Variants in TNXB observed in about 807,000 individuals in gnomAD.
The protein encoded by TNXB is tenascin-X.
In TNXB, 183 loss-of-function variants were observed where a neutral mutation model predicts 340.5. The ratio of observed to expected loss-of-function variants is 0.54; its 90% CI spans 0.48 to 0.61. The LOEUF (loss-of-function observed/expected upper bound fraction) is 0.61, where lower values mean the gene tolerates loss of function less well. Ranked by LOEUF, TNXB falls within the 20% of genes least tolerant of loss-of-function variation. TNXB has a pLI of 0.00. For synonymous variants in TNXB, 2,121 were observed against 2,314.5 expected, an observed-to-expected ratio of 0.92 and a Z score of 2.40; for missense variants, 4,613 against 5,446.4, an observed-to-expected ratio of 0.85 and a Z score of 4.82.
At chr6:32,065,413 T>G (rs1219518662) in intron 18 of TNXB, among the ~76,000 whole-genome samples, 1 of 152,162 alleles carries the variant, frequency 6.6e-6, no homozygotes, top group Non-Finnish European at 1.5e-5. Context: ...GCCACCTTCT[T>G]CTGTGGGCCT....
At chr6:32,101,077 CAAAAAA>C (rs35800696) in intron 1 of TNXB, among the ~76,000 whole-genome samples, 2 of 46,956 alleles carry the variant, frequency 4.3e-5, no homozygotes, top group Non-Finnish European at 7.6e-5. Context: ...AACTCCATCT[CAAAAAA>C]AAAAAAAAAA....
Position 32,043,806 on chromosome 6 carries a change from C to T in TNXB, c.11473G>A (p.Val3825Met), listed in dbSNP as rs550641852. The part of the protein sequence containing the change: ...LIPGARYEVT[V>M]VSVRGFEESE... Reference sequence around the variant, plus strand: ...TCCTCAAAGCCTCGGACCGAGACCACGGTCACCTCATAGCGAGCGCCTGGG... The same window carrying T: ...TCCTCAAAGCCTCGGACCGAGACCATGGTCACCTCATAGCGAGCGCCTGGG... The change falls in exon 35 of 44, where the codon GTG (valine) becomes ATG (methionine). Residue 3825 changes from valine (V) to methionine (M), a missense_variant. This residue lies in a region of TNXB where 114 missense variants were observed against 104.5 expected (regional missense o/e 1.09). Transcript: ENST00000644971. 5.6e-5 allele frequency: 90 copies of T among 1,613,546 alleles called. No individual in the cohort carries two copies. The highest frequency in any genetic ancestry group is 2.0e-4 in the East Asian group (9 of 44,874).
chr6:32,071,209 C>T (rs1267204384), intron 13 of TNXB, among the ~76,000 whole-genome samples: 4 of 152,224 alleles, frequency 2.6e-5, no homozygotes, highest in Non-Finnish European at 5.9e-5. Flanking sequence ...GGCTGGGCTC[C>T]TCTGGTTCCC....
At chr6:32,053,312 G>A in intron 25 of TNXB, 76 bp downstream of exon 25, 1 of 1,545,902 alleles carries the variant, frequency 6.5e-7, no homozygotes, top group Non-Finnish European at 8.8e-7. Flanking sequence ...GGGGCTTCCT[G>A]GGCCAGTTCA....
At chr6:32,077,183 G>A (rs935086249) in intron 11 of TNXB, among the ~76,000 whole-genome samples, 30 of 152,234 alleles carry the variant, frequency 2.0e-4, no homozygotes, top group South Asian at 1.7e-3. Flanking sequence ...GGGACAGAGC[G>A]GCAGAGGGAG....
At chr6:32,103,218 C>A (rs1780810790) in intron 1 of TNXB, among the ~76,000 whole-genome samples, 1 of 151,540 alleles carries the variant, frequency 6.6e-6, no homozygotes, top group African/African-American at 2.4e-5. Flanking sequence ...GTCAGGAGTT[C>A]AAAACCAGCC....
Position 32,089,848 on chromosome 6 carries a change from C to T in TNXB, c.2359-469G>A, listed in dbSNP as rs73729013. 0.018 allele frequency among the ~76,000 whole-genome samples: 2,766 copies of T among 152,276 alleles called. 74 individuals carry two copies. The highest frequency in any genetic ancestry group is 0.078 in the South Asian group (376 of 4,826). On this transcript the variant is annotated intron_variant, in intron 4 of 43. Transcript: ENST00000644971. The surrounding 1 kb of genome is among the most constrained non-coding windows in gnomAD (Gnocchi z 6.2). ...CACCAGGACTCTCCCTCCAGCTTTG[C>T]CCTGGCAACTCTGACTACCTGGGCA...
Position 32,069,568 on chromosome 6 carries a change from C to A in TNXB, c.5572G>T (p.Ala1858Ser), listed in dbSNP as rs1208533939. 2 of 1,576,320 alleles carry A rather than the reference C, an allele frequency of 1.3e-6. No homozygotes were observed. The highest frequency in any genetic ancestry group is 3.4e-4 in the Middle Eastern group (2 of 5,894). ...HHGKRVGPIS[A>S]VAITAGREET... ...GCACACTCACCAGTAATGGCGACGG[C>A]CGAGATGGGGCCCACACGCTTGCCG... The change falls in exon 15 of 44, where the codon GCC becomes TCC. Residue 1858 changes from alanine to serine, a missense_variant. This residue lies in a region of TNXB where 4,327 missense variants were observed against 4,859.4 expected (regional missense o/e 0.89). Coordinates refer to ENST00000644971, the MANE Select transcript of TNXB (RefSeq NM_001365276.2). This position sits in a 1 kb window ranked among gnomAD's most constrained non-coding sequence, Gnocchi z 6.2.
chr6:32,086,317 C>T (rs969518693), intron 6 of TNXB, among the ~76,000 whole-genome samples, 199 bp from the exon 7 acceptor site: 3 of 152,172 alleles, frequency 2.0e-5, no homozygotes, highest in Non-Finnish European at 2.9e-5. Flanking sequence ...CCTGAGCAGA[C>T]GGGCCTGTGC....
Position 32,093,217 on chromosome 6 carries a change from G to A in TNXB, c.2358+1859C>T, listed in dbSNP as rs1780158804. 3.1e-5 allele frequency: 19 copies of A among 607,094 alleles called. No individual in the cohort carries two copies. In the East Asian group the frequency reaches 5.2e-4, roughly 17 times the overall value. 37.6% of individuals were successfully genotyped at this position (607,094 alleles called of 1,614,324 possible). A position where few individuals can be genotyped will look rare whatever the true frequency, so the allele number is the denominator to read the frequency against. ...ATATATACAGAGAAGAAGAGAGTGG[G>A]AGAAACACTTTAAAATGTTAGCAGT... On this transcript the variant is annotated intron_variant, in intron 4 of 43. Coordinates refer to ENST00000644971, the MANE Select transcript of TNXB (RefSeq NM_001365276.2).
Position 32,089,036 on chromosome 6 carries a change from G to A in TNXB, c.2528C>T (p.Pro843Leu), listed in dbSNP as rs1293934709. The A allele has an allele frequency of 6.2e-7, 1 of 1,609,232 alleles. No individual in the cohort carries two copies. ...SKTITTMIDGPQDLRVVAVTP... is the reference protein window; with the variant it reads ...SKTITTMIDGLQDLRVVAVTP... The stretch of plus-strand genomic sequence containing the variant: ...CACAGCCACCACTCGGAGGTCCTGG[G>A]GCCCATCGATCACTAGCCAGGTTAA... Residue 843 changes from proline (P) to leucine (L), a missense_variant, in exon 6 of 44, where the codon CCC becomes CTC. By Grantham distance (98) the Pro-to-Leu change is moderately conservative (BLOSUM62 -3). Coordinates refer to ENST00000644971, the MANE Select transcript of TNXB (RefSeq NM_001365276.2). The surrounding 1 kb of genome is among the most constrained non-coding windows in gnomAD (Gnocchi z 6.2).
In TNXB at chr6:32,082,049, G is replaced by A. The variant is rs767061422; in HGVS notation, c.3723C>T (p.Ala1241=). The change falls in exon 9 of 44, where the codon GCC becomes GCT. Residue 1241 remains alanine, a synonymous_variant. Coordinates refer to ENST00000644971, the MANE Select transcript of TNXB (RefSeq NM_001365276.2). This position sits in a 1 kb window ranked among gnomAD's most constrained non-coding sequence, Gnocchi z 5.0. ...ANKKRYGPLT[A]DGTTAPERKE... The stretch of plus-strand genomic sequence containing the variant: ...GCTGCTACTCACCAGTGGTGCCATC[G>A]GCCGTGAGGGGGCCATACCGCTTCT... 1.2e-5 allele frequency: 19 copies of A among 1,604,130 alleles called. No homozygotes were observed. Among genetic ancestry groups the A allele is most frequent in the South Asian group, 3.4e-5 (3 of 89,546 alleles).
Position 32,049,460 on chromosome 6 carries a change from G to A in TNXB, c.9567C>T (p.Pro3189=), listed in dbSNP as rs1777124238. The A allele has an allele frequency of 6.2e-7, 1 of 1,612,666 alleles. No homozygotes were observed. The highest frequency in any genetic ancestry group is 1.3e-5 in the African/African-American group (1 of 74,890). ...CGGTGAAGGAGTCGAAGCGGCCCTG[G>A]GGGACGGTCCAGGAGAGGCTCAGCG... is the stretch of plus-strand genomic sequence containing the variant. ...PDSLSLSWTV[P]QGRFDSFTVQ... Residue 3189 remains proline, a synonymous_variant, in exon 28 of 44, where the codon CCC becomes CCT. Transcript: ENST00000644971. The surrounding 1 kb of genome is among the most constrained non-coding windows in gnomAD (Gnocchi z 4.5).
Position 32,068,978 on chromosome 6 carries a change from T to C in TNXB, c.5746A>G (p.Thr1916Ala), listed in dbSNP as rs17207916. 2,200 of 1,612,838 alleles carry C rather than the reference T, an allele frequency of 1.4e-3. 10 individuals are homozygous for C. The highest frequency in any genetic ancestry group is 0.011 in the African/African-American group (836 of 75,044). The change falls in exon 16 of 44, where the codon ACA becomes GCA. Residue 1916 changes from threonine to alanine, a missense_variant. Transcript: ENST00000644971. This position sits in a 1 kb window ranked among gnomAD's most constrained non-coding sequence, Gnocchi z 5.3. Reference sequence around the variant, plus strand: ...ATTTGGAGTTGCCCGTCTCTATCTGTGTACTGGATTTCGAAGGAGTCAAAT... The same window carrying C: ...ATTTGGAGTTGCCCGTCTCTATCTGCGTACTGGATTTCGAAGGAGTCAAAT... ...GEFDSFEIQYTDRDGQLQMVR... is the reference protein window; with the variant it reads ...GEFDSFEIQYADRDGQLQMVR...
Position 32,067,704 on chromosome 6 carries a change from G to A in TNXB, c.6501C>T (p.His2167=), listed in dbSNP as rs780787972. 2.7e-5 allele frequency: 44 copies of A among 1,613,660 alleles called. No homozygotes were observed. In the South Asian group the frequency reaches 3.0e-4, roughly 11 times the overall value. Residue 2167 remains histidine (H), a synonymous_variant, in exon 18 of 44, where the codon CAC becomes CAT. Transcript: ENST00000644971. This position sits in a 1 kb window ranked among gnomAD's most constrained non-coding sequence, Gnocchi z 4.2. ...ACACTGGGCCCACGCGCCGCCCCTC[G>A]TGGAGGCCGTACAGGTGCATCTTGT... ...RKYKMHLYGL[H]EGRRVGPVSA...
At position 32,068,813 on chromosome 6, in the gene TNXB, A is replaced by G. The variant is rs1159883762; in HGVS notation, c.5902+9T>C. The G allele has an allele frequency of 1.3e-6, 2 of 1,599,170 alleles. No homozygotes were observed. Among genetic ancestry groups the G allele is most frequent in the Admixed American group, 1.7e-5 (1 of 59,634 alleles). On this transcript the variant is annotated intron_variant, in intron 16 of 43. Coordinates refer to ENST00000644971, the MANE Select transcript of TNXB (RefSeq NM_001365276.2). The surrounding 1 kb of genome is among the most constrained non-coding windows in gnomAD (Gnocchi z 5.3). ...ATCTGAAAGGAGGCATAGTGGGCAG[A>G]GTTCTCACCTGTCAGGGCCTCGACA...
At position 32,052,950 on chromosome 6, in the gene TNXB, C is replaced by T; in HGVS notation, c.8835G>A (p.Glu2945=). ...GCGGCTCCTCAGGGGGCTCCGGGGC[C>T]TCCGTGCTGGGTTCTGTGGGGGCGG... is the stretch of plus-strand genomic sequence containing the variant. ...ETPAPTEPST[E]APEPPEEPLL... Residue 2945 remains glutamate (E), a synonymous_variant, in exon 26 of 44, where the codon GAG becomes GAA. Transcript: ENST00000644971. This position sits in a 1 kb window ranked among gnomAD's most constrained non-coding sequence, Gnocchi z 4.7. The T allele has an allele frequency of 2.5e-6, 4 of 1,612,574 alleles. No homozygotes were observed. Among genetic ancestry groups the T allele is most frequent in the Non-Finnish European group, 3.4e-6 (4 of 1,179,788 alleles).
Position 32,097,108 on chromosome 6 carries a change from A to G in TNXB, c.745T>C (p.Cys249Arg). The change falls in exon 3 of 44, where the codon TGC becomes CGC. Residue 249 changes from cysteine (C) to arginine (R), a missense_variant. Cys to Arg is a radical substitution (Grantham distance 180). Coordinates refer to ENST00000644971, the MANE Select transcript of TNXB (RefSeq NM_001365276.2). The surrounding 1 kb of genome is among the most constrained non-coding windows in gnomAD (Gnocchi z 5.9). ...FSGPDCSQRS[C>R]PRGCSQRGRC... ...CCCCTCTGGCTGCAACCTCGAGGGCAGGAGCGCTGGCTGCAGTCGGGGCCT... is the reference window on the plus strand; with the variant it reads ...CCCCTCTGGCTGCAACCTCGAGGGCGGGAGCGCTGGCTGCAGTCGGGGCCT... 6.2e-7 allele frequency: 1 copy of G among 1,612,656 alleles called. No homozygotes were observed. The highest frequency in any genetic ancestry group is 1.1e-5 in the South Asian group (1 of 90,784).
rs938420691 is a variant in TNXB at position 32,064,301 on chromosome 6, C to A, written c.6841+520G>T. Among the ~76,000 whole-genome samples, 7 of 152,190 alleles carry A rather than the reference C, an allele frequency of 4.6e-5. No individual in the cohort carries two copies. The highest frequency in any genetic ancestry group is 1.7e-4 in the African/African-American group (7 of 41,428). On this transcript the variant is annotated intron_variant, in intron 19 of 43. Transcript: ENST00000644971. The surrounding 1 kb of genome is among the most constrained non-coding windows in gnomAD (Gnocchi z 5.3). ...GATCTCGGCTCACTGCAACCTCCGCCTCCTGGGTTCAAGCGATTCTCCCGC... is the reference window on the plus strand; with the variant it reads ...GATCTCGGCTCACTGCAACCTCCGCATCCTGGGTTCAAGCGATTCTCCCGC...
Sources: gnomAD v4.1 joint callset for allele counts (sites outside exome capture counted in the v4.1 genomes callset) on GRCh38, gnomAD v4.1.1 for gene constraint, gnomAD v4.1.1 regional missense constraint, Gnocchi (gnomAD v3.1) non-coding constraint, MANE v1.5 for transcripts, NCBI Gene and HGNC (gene_info 2026-07-23, HGNC 2026-07-21) for gene names.